Variants in GNB1 observed in about 807,000 individuals in gnomAD.
The protein encoded by GNB1 is guanine nucleotide-binding protein G(I)/G(S)/G(T) subunit beta-1.
GNB1 carries 2 observed loss-of-function variants against 42.9 expected under a neutral mutation model. That is an observed-to-expected ratio of 0.05 (90% CI 0.02 to 0.15). GNB1 has a LOEUF of 0.15. Ranked by LOEUF, GNB1 falls within the 10% of genes least tolerant of loss-of-function variation. GNB1 has a pLI of 1.00. For synonymous variants in GNB1, 183 were observed against 174.7 expected (o/e 1.05, Z -0.38); for missense variants, 193 against 462.2 (o/e 0.42, Z 5.34).
At chr1:1,822,741 C>T (rs1458232862) in intron 3 of GNB1, among the ~76,000 whole-genome samples, 1 of 152,152 alleles carries the variant, frequency 6.6e-6, no homozygotes, top group African/African-American at 2.4e-5. Flanking sequence ...AGGGTCCAAA[C>T]CTCGGAAGGA....
intron 1 of GNB1, among the ~76,000 whole-genome samples, chr1:1,874,988 G>A (rs1461087237): frequency 2.6e-5 from 4 of 152,102 alleles, no homozygotes; most frequent in African/African-American, 9.7e-5. Flanking sequence ...CTCATAAGGA[G>A]TGCACAGCCT....
intron 1 of GNB1, among the ~76,000 whole-genome samples, chr1:1,884,117 C>T (rs1452771821): frequency 6.6e-6 from 1 of 151,476 alleles, no homozygotes. Context: ...AGGCATGTGC[C>T]ACCATGCCCG....
At chr1:1,847,329 T>C (rs971840536) in intron 1 of GNB1, among the ~76,000 whole-genome samples, 1 of 152,236 alleles carries the variant, frequency 6.6e-6, no homozygotes, top group Non-Finnish European at 1.5e-5. Context: ...GTTCCATCGA[T>C]GTTCTTTGTC....
intron 1 of GNB1, among the ~76,000 whole-genome samples, chr1:1,851,099 C>G (rs552299074): frequency 6.6e-6 from 1 of 152,240 alleles, no homozygotes; most frequent in Non-Finnish European, 1.5e-5. Context: ...GAAACCCCGT[C>G]TCTACTAAAA....
chr1:1,793,296 C>G lies in GNB1; in HGVS notation c.446G>C (p.Cys149Ser). 6.2e-7 allele frequency: 1 copy of G among 1,612,920 alleles called. No homozygotes were observed. Among genetic ancestry groups the G allele is most frequent in the African/African-American group, 1.3e-5 (1 of 75,020 alleles). ...LAGHTGYLSC[C>S]RFLDDNQIVT... ...GATCTGATTGTCATCCAGGAATCGG[C>G]AGCAGGACAGGTAACCTGGCAAAGA... is the stretch of plus-strand genomic sequence containing the variant. The change falls in exon 8 of 12, where the codon TGC becomes TCC. Residue 149 changes from cysteine (C) to serine (S), a missense_variant. By Grantham distance (112) the Cys-to-Ser change is moderately radical. Coordinates refer to ENST00000378609, the MANE Select transcript of GNB1 (RefSeq NM_002074.5).
chr1:1,868,988 T>A (rs1169699256), intron 1 of GNB1, among the ~76,000 whole-genome samples: 2 of 150,186 alleles, frequency 1.3e-5, no homozygotes, highest in Non-Finnish European at 3.0e-5. Context: ...ATCAAGACCA[T>A]CTTGGCTAAC....
At chr1:1,856,207 T>G (rs1648288402) in intron 1 of GNB1, among the ~76,000 whole-genome samples, 1 of 152,212 alleles carries the variant, frequency 6.6e-6, no homozygotes, top group Non-Finnish European at 1.5e-5. Context: ...TTTTCAGAGA[T>G]GGGCTGGTCT....
intron 1 of GNB1, among the ~76,000 whole-genome samples, chr1:1,882,014 G>A (rs1187516630): frequency 1.3e-5 from 2 of 152,064 alleles, no homozygotes; most frequent in Non-Finnish European, 2.9e-5. Context: ...CTGAACTCTG[G>A]ACAGGGTGGT....
At chr1:1,838,686 C>A (rs1427105180) in intron 2 of GNB1, among the ~76,000 whole-genome samples, 1 of 151,976 alleles carries the variant, frequency 6.6e-6, no homozygotes, top group Non-Finnish European at 1.5e-5. Context: ...CCTCGTGATC[C>A]ACCCAACCTG....
intron 1 of GNB1, among the ~76,000 whole-genome samples, chr1:1,847,533 A>T (rs1647734519): frequency 6.6e-6 from 1 of 152,216 alleles, no homozygotes. Context: ...AAGGCTCATA[A>T]CACACAGTAC....
chr1:1,816,114 C>A lies in GNB1; in HGVS notation c.97-252G>T, dbSNP rs576056737. ...AATGCACGCACACGAACATGGCCAG[C>A]CTTGAAGCACTTGCTGTTCCCTTCC... On this transcript the variant is annotated intron_variant, in intron 4 of 11. Coordinates refer to ENST00000378609, the MANE Select transcript of GNB1 (RefSeq NM_002074.5). Among the ~76,000 whole-genome samples the A allele has an allele frequency of 8.1e-4, 123 of 152,322 alleles. 1 individual carries two copies. Among genetic ancestry groups the A allele is most frequent in the African/African-American group, 2.7e-3 (112 of 41,584 alleles).
At chr1:1,880,459 G>T (rs1649780423) in intron 1 of GNB1, among the ~76,000 whole-genome samples, 1 of 151,888 alleles carries the variant, frequency 6.6e-6, no homozygotes, top group Admixed American at 6.6e-5. Flanking sequence ...GTGGTGGGGG[G>T]TGCCTGTAGT....
At position 1,815,938 on chromosome 1, in the gene GNB1, C is replaced by G. The variant is rs188105188; in HGVS notation, c.97-76G>C. The G allele has an allele frequency of 2.9e-3, 2,633 of 915,894 alleles. 51 individuals are homozygous for G. In the African/African-American group the frequency reaches 0.035, roughly 12 times the overall value. 56.7% of individuals were successfully genotyped at this position (915,894 alleles called of 1,614,324 possible). On this transcript the variant is annotated intron_variant, in intron 4 of 11. Coordinates refer to ENST00000378609, the MANE Select transcript of GNB1 (RefSeq NM_002074.5). ...TCCTCATCACCCATCCTTGTCAAGG[C>G]TGTTGGCTCGCCCACTGTGCCTACC...
intron 1 of GNB1, among the ~76,000 whole-genome samples, chr1:1,857,773 TA>T (rs1347193260): frequency 2.0e-5 from 3 of 152,196 alleles, no homozygotes; most frequent in Non-Finnish European, 4.4e-5. Context: ...TTTTTTCCTT[TA>T]TGCTGTATTT....
At chr1:1,855,640 A>G (rs556496373) in intron 1 of GNB1, among the ~76,000 whole-genome samples, 10 of 151,694 alleles carry the variant, frequency 6.6e-5, no homozygotes, top group Non-Finnish European at 1.5e-4. Context: ...CGGGGGGCGG[A>G]GCCTGCAGTG....
intron 1 of GNB1, among the ~76,000 whole-genome samples, chr1:1,854,951 G>C (rs565293456): frequency 6.6e-6 from 1 of 152,020 alleles, no homozygotes; most frequent in African/African-American, 2.4e-5. Context: ...ACGAGGTCAG[G>C]AGTTCAAGAC....
chr1:1,826,521 T>C (rs2101003939), intron 2 of GNB1, among the ~76,000 whole-genome samples: 1 of 152,192 alleles, frequency 6.6e-6, no homozygotes, highest in Admixed American at 6.5e-5. Context: ...CAACCAAGAA[T>C]CTCAAAGCCA....
Position 1,785,876 on chromosome 1 carries a change from A to G in GNB1, c.*1187T>C, listed in dbSNP as rs944453521. The G allele has an allele frequency of 2.5e-6, 1 of 397,628 alleles. No individual in the cohort carries two copies. Among genetic ancestry groups the G allele is most frequent in the Admixed American group, 4.4e-5 (1 of 22,598 alleles). 24.6% of individuals were successfully genotyped at this position (397,628 alleles called of 1,614,324 possible). Reference sequence around the variant, plus strand: ...CCAAGCGTGTAGAGCCGCGCGCTGTACTGCTTCCGATATGTGCCACAGAGC... The same window carrying G: ...CCAAGCGTGTAGAGCCGCGCGCTGTGCTGCTTCCGATATGTGCCACAGAGC... On this transcript the variant is annotated 3_prime_UTR_variant, in exon 12 of 12. Transcript: ENST00000378609.
At chr1:1,872,852 CA>C (rs1649324494) in intron 1 of GNB1, among the ~76,000 whole-genome samples, 1 of 152,120 alleles carries the variant, frequency 6.6e-6, no homozygotes, top group Non-Finnish European at 1.5e-5. Flanking sequence ...GTGTCTTGCT[CA>C]AAGTAAGTAC....
Sources: gnomAD v4.1 joint callset for allele counts (sites outside exome capture counted in the v4.1 genomes callset) on GRCh38, gnomAD v4.1.1 for gene constraint, MANE v1.5 for transcripts, NCBI Gene and HGNC (gene_info 2026-07-23, HGNC 2026-07-21) for gene names.